The following CPM variants were observed in gnomAD, a reference collection of about 807,000 sequenced individuals.
CPM encodes renal carboxypeptidase.
A neutral mutation model predicts 46.4 loss-of-function variants in CPM; 35 were observed. The ratio of observed to expected loss-of-function variants is 0.75; its 90% CI spans 0.58 to 1.00. The LOEUF (loss-of-function observed/expected upper bound fraction) is 1.00. CPM is among the 50% of genes least tolerant of loss of function. CPM has a pLI of 0.00. For missense variants in CPM, 422 were observed against 530.4 expected, an observed-to-expected ratio of 0.80 and a Z score of 2.01; for synonymous variants, 195 against 195.3, an observed-to-expected ratio of 1.00 and a Z score of 0.01.
In CPM at chr12:68,856,550, T is replaced by G. The variant is rs1344720749; in HGVS notation, c.1219A>C (p.Asn407His). 9.3e-6 allele frequency: 15 copies of G among 1,614,268 alleles called. No individual in the cohort carries two copies. In the East Asian group the frequency reaches 3.3e-4, roughly 36 times the overall value. Residue 407 changes from asparagine to histidine, a missense_variant, in exon 9 of 9, where the codon AAT (asparagine) becomes CAT (histidine). Physicochemically the swap from Asn to His is moderately conservative, Grantham distance 68. Transcript: ENST00000551568. ...QGQLDSIPVSNPSCPMIPLYR... is the reference protein window; with the variant it reads ...QGQLDSIPVSHPSCPMIPLYR... ...AGAGGAATCATTGGGCATGAAGGAT[T>G]TGATACTGGGATAGAATCCAATTGC...
chr12:68,918,681 T>A (rs1887913518), intron 2 of CPM, among the ~76,000 whole-genome samples: 1 of 152,102 alleles, frequency 6.6e-6, no homozygotes, highest in Non-Finnish European at 1.5e-5. Flanking sequence ...GTACTCTTGG[T>A]TTTATTTCCA....
In CPM at chr12:68,853,260, T is replaced by G. The variant is rs1327107038; in HGVS notation, c.*3177A>C. The G allele has an allele frequency of 1.3e-5, 2 of 152,188 alleles. No homozygotes were observed. Among genetic ancestry groups the G allele is most frequent in the African/African-American group, 4.8e-5 (2 of 41,462 alleles). The allele number at this position is 152,188 out of a possible 1,614,324, so 9.4% of individuals were successfully genotyped here. A position where few individuals can be genotyped will look rare whatever the true frequency, so the allele number is the denominator to read the frequency against. ...AGTTGAAAAATTGCTTGGGGCTTGA[T>G]AGCAAATCAAGTTTCATCTTATATA... On this transcript the variant is annotated 3_prime_UTR_variant, in exon 9 of 9. Transcript: ENST00000551568.
chr12:68,959,991 AG>A (rs1231021634), intron 1 of CPM, among the ~76,000 whole-genome samples: 2 of 152,250 alleles, frequency 1.3e-5, no homozygotes, highest in African/African-American at 4.8e-5. Flanking sequence ...CTGATTTGAA[AG>A]GGATTCTGGC....
upstream of CPM, among the ~76,000 whole-genome samples, chr12:68,937,692 T>C (rs1255936482): frequency 6.6e-6 from 1 of 152,172 alleles, no homozygotes; most frequent in Non-Finnish European, 1.5e-5. Flanking sequence ...AAAAAAACTA[T>C]TCCCAGCAAT....
chr12:68,947,286 A>G (rs1888863088), intron 1 of CPM, among the ~76,000 whole-genome samples: 1 of 152,194 alleles, frequency 6.6e-6, no homozygotes, highest in African/African-American at 2.4e-5. Flanking sequence ...TTTATCAGAT[A>G]TCTTTGCACA....
Position 68,867,781 on chromosome 12 carries a change from G to A in CPM, c.788-733C>T, listed in dbSNP as rs141322800. ...CCCGGCCCCCTGTGGAGCCCAGGCT[G>A]CCACTGCTCATGCTGACTTTCCAGT... On this transcript the variant is annotated intron_variant, in intron 6 of 8. Coordinates refer to ENST00000551568, the MANE Select transcript of CPM (RefSeq NM_198320.5). Among the ~76,000 whole-genome samples the A allele has an allele frequency of 3.3e-4, 50 of 152,306 alleles. No individual in the cohort carries two copies. The East Asian group carries it at 9.1e-3, about 28-fold the overall frequency.
At chr12:68,955,269 G>A (rs146795365) in intron 1 of CPM, among the ~76,000 whole-genome samples, 60 of 152,292 alleles carry the variant, frequency 3.9e-4, no homozygotes, top group African/African-American at 1.4e-3. Flanking sequence ...TAGTGATTGT[G>A]GATATAATTT....
chr12:68,930,191 C>T (rs976189098), intron 2 of CPM, among the ~76,000 whole-genome samples: 27 of 152,296 alleles, frequency 1.8e-4, no homozygotes, highest in African/African-American at 5.8e-4. Flanking sequence ...CGCTATTCTC[C>T]GGTCTCAGCC....
chr12:68,873,776 T>A (rs1229627734), intron 3 of CPM, among the ~76,000 whole-genome samples: 1 of 152,048 alleles, frequency 6.6e-6, no homozygotes, highest in African/African-American at 2.4e-5. Flanking sequence ...GACTTCAACT[T>A]TTTTTCCTAC....
At chr12:68,846,844 A>G (rs949659684), downstream of CPM, 5 of 152,128 alleles carry the variant, frequency 3.3e-5, no homozygotes, top group Non-Finnish European at 5.9e-5. Flanking sequence ...CAATAAATCT[A>G]TAGAGCCTAG....
At chr12:68,933,846 A>G (rs1888615021), upstream of CPM, among the ~76,000 whole-genome samples, 1 of 152,232 alleles carries the variant, frequency 6.6e-6, no homozygotes, top group Non-Finnish European at 1.5e-5. Flanking sequence ...TTAGAATTGA[A>G]TTTAAAACTG....
intron 7 of CPM, among the ~76,000 whole-genome samples, chr12:68,863,068 C>T (rs1338487334): frequency 6.6e-6 from 1 of 152,110 alleles, no homozygotes; most frequent in African/African-American, 2.4e-5. Flanking sequence ...AATTTAGAGT[C>T]GGAGCTGGGA....
At chr12:68,867,282 T>C (rs1885495637) in intron 6 of CPM, among the ~76,000 whole-genome samples, 1 of 152,244 alleles carries the variant, frequency 6.6e-6, no homozygotes, top group Non-Finnish European at 1.5e-5. Flanking sequence ...CAACTGTGCA[T>C]CAAAATTAAG....
chr12:68,961,202 T>G (rs577030558), intron 1 of CPM, among the ~76,000 whole-genome samples: 3 of 152,080 alleles, frequency 2.0e-5, no homozygotes, highest in Non-Finnish European at 4.4e-5. Flanking sequence ...CAGGCTGGAG[T>G]GCAGTGGTGT....
intron 2 of CPM, among the ~76,000 whole-genome samples, chr12:68,927,185 GT>G (rs1301042029): frequency 6.6e-6 from 1 of 151,350 alleles, no homozygotes; most frequent in Non-Finnish European, 1.5e-5. Context: ...CACCAACAGT[GT>G]AAAAGTGTTC....
chr12:68,942,970 C>A (rs1342639021), intron 1 of CPM, among the ~76,000 whole-genome samples: 3 of 152,156 alleles, frequency 2.0e-5, no homozygotes, highest in Non-Finnish European at 4.4e-5. Flanking sequence ...CAGGAAGACA[C>A]CCCAAATAGA....
chr12:68,918,806 A>G (rs1461460817), intron 2 of CPM, among the ~76,000 whole-genome samples: 1 of 152,172 alleles, frequency 6.6e-6, no homozygotes, highest in Admixed American at 6.5e-5. Context: ...CCCTGCTTCT[A>G]TTCTGGCCAT....
chr12:68,927,102 T>A (rs1392829752), intron 2 of CPM, among the ~76,000 whole-genome samples: 4 of 151,892 alleles, frequency 2.6e-5, no homozygotes, highest in Non-Finnish European at 5.9e-5. Context: ...CTGGGTCAAA[T>A]GGTATTTCTA....
chr12:68,954,097 C>T (rs1888976403), intron 1 of CPM, among the ~76,000 whole-genome samples: 1 of 152,162 alleles, frequency 6.6e-6, no homozygotes, highest in Non-Finnish European at 1.5e-5. Context: ...AATTTAGGAG[C>T]TCCTTCATGG....
Sources: allele counts gnomAD v4.1 joint callset (sites outside exome capture counted in the v4.1 genomes callset), GRCh38; gene constraint gnomAD v4.1.1; transcripts MANE v1.5; gene names NCBI Gene and HGNC (gene_info 2026-07-23, HGNC 2026-07-21).